The following NR5A2 variants were observed in gnomAD, a reference collection of about 807,000 sequenced individuals.
NR5A2 encodes the protein nuclear receptor subfamily 5 group A member 2, also known as CYP7A promoter-binding factor.
A neutral mutation model predicts 62.7 loss-of-function variants in NR5A2; 26 were observed. The ratio of observed to expected loss-of-function variants is 0.41; its 90% CI spans 0.30 to 0.58. NR5A2 has a LOEUF of 0.58. NR5A2 is among the 20% of genes least tolerant of loss of function. NR5A2 has a pLI of 0.22. For synonymous variants in NR5A2, 246 were observed against 241.7 expected, an observed-to-expected ratio of 1.02 and a Z score of -0.16; for missense variants, 541 against 669.1, an observed-to-expected ratio of 0.81 and a Z score of 2.11.
intron 7 of NR5A2, among the ~76,000 whole-genome samples, chr1:200,132,748 T>G (rs1667019338): frequency 6.6e-6 from 1 of 152,178 alleles, no homozygotes; most frequent in Non-Finnish European, 1.5e-5. Context: ...TTTAGCTGTG[T>G]CAACCACTCT....
At chr1:200,035,135 C>T (rs1031940380) in intron 1 of NR5A2, among the ~76,000 whole-genome samples, 1 of 152,122 alleles carries the variant, frequency 6.6e-6, no homozygotes, top group African/African-American at 2.4e-5. Flanking sequence ...CCTCTTCCCC[C>T]TCGGGCTATC....
intron 5 of NR5A2, among the ~76,000 whole-genome samples, chr1:200,084,747 T>C (rs2102240935): frequency 6.6e-6 from 1 of 152,312 alleles, no homozygotes; most frequent in Middle Eastern, 3.4e-3. Flanking sequence ...CCCTAATTCA[T>C]TGATTCGATA....
intron 1 of NR5A2, among the ~76,000 whole-genome samples, chr1:200,033,124 C>CT (rs1231950851): frequency 4.6e-5 from 7 of 152,174 alleles, no homozygotes; most frequent in South Asian, 2.1e-4. Context: ...GACAAAGGCA[C>CT]TTCTGGTCCC....
intron 7 of NR5A2, among the ~76,000 whole-genome samples, chr1:200,134,890 G>T (rs1208585883): frequency 6.6e-6 from 1 of 152,090 alleles, no homozygotes; most frequent in Admixed American, 6.5e-5. Context: ...TTTGTCTCTA[G>T]AACTTCCTGT....
intron 4 of NR5A2, among the ~76,000 whole-genome samples, chr1:200,045,819 T>C (rs1400376938): frequency 6.6e-6 from 1 of 150,862 alleles, no homozygotes; most frequent in Non-Finnish European, 1.5e-5. Flanking sequence ...GCCCACCCCC[T>C]TTTTTTTAGT....
At chr1:200,172,936 A>G (rs1258843362) in intron 7 of NR5A2, among the ~76,000 whole-genome samples, 1 of 152,196 alleles carries the variant, frequency 6.6e-6, no homozygotes, top group Non-Finnish European at 1.5e-5. Flanking sequence ...GCATGGGTGT[A>G]TGTAAACACA....
intron 5 of NR5A2, among the ~76,000 whole-genome samples, chr1:200,088,060 C>A (rs80038698): frequency 6.6e-6 from 1 of 151,872 alleles, no homozygotes; most frequent in Non-Finnish European, 1.5e-5. Context: ...CCCTTGCTAA[C>A]ATTTTAATTT....
At chr1:200,099,475 G>T (rs1558137647) in intron 5 of NR5A2, among the ~76,000 whole-genome samples, 1 of 151,888 alleles carries the variant, frequency 6.6e-6, no homozygotes, top group African/African-American at 2.4e-5. Flanking sequence ...ATCCTACTAT[G>T]CCAAGGACCT....
At chr1:200,146,133 T>G (rs909743883) in intron 7 of NR5A2, among the ~76,000 whole-genome samples, 1 of 152,218 alleles carries the variant, frequency 6.6e-6, no homozygotes, top group African/African-American at 2.4e-5. Flanking sequence ...TTAGTAAATA[T>G]TAACAAGGTT....
rs374062483 is a variant in NR5A2 at position 200,110,627 on chromosome 1, A to G, written c.1111-575A>G. 6.9e-4 allele frequency among the ~76,000 whole-genome samples: 105 copies of G among 152,278 alleles called. 1 individual carries two copies. Among genetic ancestry groups the G allele is most frequent in the African/African-American group, 2.4e-3 (100 of 41,546 alleles). On this transcript the variant is annotated intron_variant, in intron 5 of 7. Transcript: ENST00000367362. ...GTTAGCACCGACATCATGCTTGGTG[A>G]GTGTTCTCTTCAGTCCAGCACAATC... is the stretch of plus-strand genomic sequence containing the variant.
intron 5 of NR5A2, among the ~76,000 whole-genome samples, chr1:200,050,505 TC>T: frequency 6.6e-6 from 1 of 152,298 alleles, no homozygotes; most frequent in East Asian, 1.9e-4. Context: ...GAGGAGGTTT[TC>T]AAAGGAAAAT....
rs746650608 is a variant in NR5A2, at chr1:200,048,510, G to A, written c.802G>A (p.Ala268Thr). The A allele has an allele frequency of 1.9e-6, 3 of 1,614,036 alleles. No homozygotes were observed. The highest frequency in any genetic ancestry group is 3.3e-5 in the Admixed American group (2 of 60,004). The change falls in exon 5 of 8, where the codon GCC (alanine) becomes ACC (threonine). Residue 268 changes from alanine to threonine, a missense_variant. By Grantham distance (58) the Ala-to-Thr change is moderately conservative. Transcript: ENST00000367362. This position sits in a 1 kb window ranked among gnomAD's most constrained non-coding sequence, Gnocchi z 4.8. ...YQTYGHFPSR[A>T]IKSEYPDPYT... ...AACATATGGCCACTTTCCTAGCCGG[G>A]CCATCAAGTCTGAGTACCCAGACCC...
In NR5A2 at chr1:200,045,945, T is replaced by A. The variant is rs139201155; in HGVS notation, c.463+361T>A. 2.2e-3 allele frequency among the ~76,000 whole-genome samples: 332 copies of A among 152,260 alleles called. 3 individuals carry two copies. Among genetic ancestry groups the A allele is most frequent in the Admixed American group, 7.6e-3 (117 of 15,296 alleles). On this transcript the variant is annotated intron_variant, in intron 4 of 7. Transcript: ENST00000367362. The stretch of plus-strand genomic sequence containing the variant: ...TTGTAAAACTATTAAAAGTAAAATA[T>A]TCTTTGAGTTTTTAAATCAAGATAC...
chr1:200,107,303 C>CTT lies in NR5A2; in HGVS notation c.1111-3887_1111-3886dup, dbSNP rs5780011. Among the ~76,000 whole-genome samples, 922 of 146,086 alleles carry CTT rather than the reference C, an allele frequency of 6.3e-3. 11 individuals carry two copies. The highest frequency in any genetic ancestry group is 0.016 in the East Asian group (79 of 5,044). ...CATTTAGCAAGCATTTATTAAGTGG[C>CTT]TTTTTTTTTTTTTGCCAGGCACCAG... On this transcript the variant is annotated intron_variant, in intron 5 of 7. Transcript: ENST00000367362.
At chr1:200,063,383 C>T (rs1663318994) in intron 5 of NR5A2, among the ~76,000 whole-genome samples, 1 of 152,090 alleles carries the variant, frequency 6.6e-6, no homozygotes, top group South Asian at 2.1e-4. Flanking sequence ...TGGTCTCGAA[C>T]TCCTGACCTC....
chr1:200,151,327 C>A (rs1476109600), intron 7 of NR5A2, among the ~76,000 whole-genome samples: 1 of 152,130 alleles, frequency 6.6e-6, no homozygotes, highest in Non-Finnish European at 1.5e-5. Flanking sequence ...TAAGATTATG[C>A]CATGATTTAC....
chr1:200,144,488 C>G (rs567983705), intron 7 of NR5A2, among the ~76,000 whole-genome samples: 27 of 152,270 alleles, frequency 1.8e-4, no homozygotes, highest in African/African-American at 6.5e-4. Flanking sequence ...CAAAACAACC[C>G]CCAGTCTTTC....
chr1:200,099,825 C>A (rs1665283712), intron 5 of NR5A2, among the ~76,000 whole-genome samples: 1 of 152,154 alleles, frequency 6.6e-6, no homozygotes, highest in South Asian at 2.1e-4. Context: ...ATCTCCTGAC[C>A]TCGTGATCCA....
At chr1:200,113,187 TTA>T (rs1666042789) in intron 6 of NR5A2, among the ~76,000 whole-genome samples, 3 of 152,310 alleles carry the variant, frequency 2.0e-5, no homozygotes, top group South Asian at 4.1e-4. Context: ...AGTTATTTCC[TTA>T]TATGTTTCCT....
Sources: gnomAD v4.1 joint callset for allele counts (sites outside exome capture counted in the v4.1 genomes callset) on GRCh38, gnomAD v4.1.1 for gene constraint, Gnocchi (gnomAD v3.1) non-coding constraint, MANE v1.5 for transcripts, NCBI Gene and HGNC (gene_info 2026-07-23, HGNC 2026-07-21) for gene names.